The following DST variants were observed in gnomAD, a reference collection of about 807,000 sequenced individuals.
DST encodes the protein bullous pemphigoid antigen.
A neutral mutation model predicts 875.2 loss-of-function variants in DST; 253 were observed. That is an observed-to-expected ratio of 0.29 (90% CI 0.26 to 0.32). DST has a LOEUF of 0.32. Ranked by LOEUF, DST falls within the 10% of genes least tolerant of loss-of-function variation. The probability of loss-of-function intolerance (pLI) is 1.00; values close to 1 mark genes in which losing one functional copy is unlikely to be tolerated. For missense variants in DST, 8,287 were observed against 9,111.6 expected (o/e 0.91, Z 3.68); for synonymous variants, 3,124 against 3,197.1 (o/e 0.98, Z 0.77).
At chr6:56,507,372 C>A (rs61024109) in intron 75 of DST, among the ~76,000 whole-genome samples, 1 of 152,150 alleles carries the variant, frequency 6.6e-6, no homozygotes, top group East Asian at 1.9e-4. Flanking sequence ...AAACCAGGCA[C>A]TGGGGATACA....
At chr6:56,893,562 CTTTTTTTTTTTTT>C (rs1282483681) in intron 3 of DST, among the ~76,000 whole-genome samples, 2 of 35,910 alleles carry the variant, frequency 5.6e-5, no homozygotes, top group Admixed American at 5.4e-4. Flanking sequence ...ACTTTTAGTT[CTTTTTTTTTTTTT>C]TTTTTTTTTT....
intron 38 of DST, 126 bp downstream of exon 38, chr6:56,611,382 A>C: frequency 2.0e-6 from 1 of 503,730 alleles, no homozygotes; most frequent in Non-Finnish European, 3.5e-6. Flanking sequence ...ACATTACTAT[A>C]TTAATTGTGA....
chr6:56,896,838 G>C (rs773095947), intron 3 of DST, among the ~76,000 whole-genome samples: 3 of 152,224 alleles, frequency 2.0e-5, no homozygotes, highest in Middle Eastern at 3.4e-3. Context: ...TGATTTGTTT[G>C]AGTTCATTGT....
intron 4 of DST, among the ~76,000 whole-genome samples, chr6:56,772,159 G>A (rs551312721): frequency 1.3e-5 from 2 of 152,064 alleles, no homozygotes; most frequent in African/African-American, 4.8e-5. Flanking sequence ...TTTAAAATAG[G>A]TATATTTTTA....
At chr6:56,915,942 C>T (rs1473112402) in intron 2 of DST, among the ~76,000 whole-genome samples, 3 of 152,218 alleles carry the variant, frequency 2.0e-5, no homozygotes, top group African/African-American at 7.2e-5. Flanking sequence ...AATCCTAACA[C>T]CTTCTTTGAG....
At chr6:56,551,471 G>A (rs1262461537) in intron 61 of DST, among the ~76,000 whole-genome samples, 1 of 152,172 alleles carries the variant, frequency 6.6e-6, no homozygotes, top group Non-Finnish European at 1.5e-5. Flanking sequence ...CTATACAGAT[G>A]TGACTTCTGT....
Position 56,557,466 on chromosome 6 carries a change from C to T in DST, c.14493G>A (p.Leu4831=). The change falls in exon 59 of 104, where the codon CTG becomes CTA. Residue 4831 remains leucine (L), a synonymous_variant. Transcript: ENST00000680361. ...GGGTTAGATTATTGGAGGATTCTTCCAGTTTTTGTTGTCTATCAATTGTTA... is the reference window on the plus strand; with the variant it reads ...GGGTTAGATTATTGGAGGATTCTTCTAGTTTTTGTTGTCTATCAATTGTTA... The part of the protein sequence containing the change: ...NQLTIDRQQK[L]EESSNNLTQF... 2 of 1,613,562 alleles carry T rather than the reference C, an allele frequency of 1.2e-6. No homozygotes were observed. The highest frequency in any genetic ancestry group is 8.5e-7 in the Non-Finnish European group (1 of 1,179,614).
intron 9 of DST, among the ~76,000 whole-genome samples, chr6:56,680,983 A>C (rs1398360070): frequency 6.6e-6 from 1 of 152,234 alleles, no homozygotes; most frequent in African/African-American, 2.4e-5. Context: ...AATGACAAAG[A>C]GACATAAAGT....
chr6:56,774,224 A>C (rs1215308684), intron 4 of DST, among the ~76,000 whole-genome samples: 2 of 151,978 alleles, frequency 1.3e-5, no homozygotes, highest in Non-Finnish European at 2.9e-5. Context: ...GCTGACATTC[A>C]CATACCTCTT....
rs2096845730 is a variant in DST, at chr6:56,528,775, C to T, written c.17680+66G>A. 2.5e-6 allele frequency: 3 copies of T among 1,196,692 alleles called. No homozygotes were observed. In the South Asian group the frequency reaches 4.3e-5, roughly 17 times the overall value. The allele number at this position is 1,196,692 out of a possible 1,614,324, so 74.1% of individuals were successfully genotyped here. The stretch of plus-strand genomic sequence containing the variant: ...AAAGTGTTTTGGTTTTTTCCCATCC[C>T]TAAAATATTTTGAAAACAATATAAA... On this transcript the variant is annotated intron_variant, in intron 67 of 103. Coordinates refer to ENST00000680361, the MANE Select transcript of DST (RefSeq NM_001374736.1).
At position 56,608,366 on chromosome 6, in the gene DST, G is replaced by C. The variant is rs778946681; in HGVS notation, c.6262C>G (p.Gln2088Glu). Residue 2088 changes from glutamine (Q) to glutamate (E), a missense_variant, in exon 40 of 104, where the codon CAG becomes GAG. Coordinates refer to ENST00000680361, the MANE Select transcript of DST (RefSeq NM_001374736.1). ...AATTCATTTGTAATCAATTCTTGCT[G>C]CAAGGAAGATGATGTGGGAAATATT... ...GEIFPTSSSLQQELITNELAY... is the reference protein window; with the variant it reads ...GEIFPTSSSLEQELITNELAY... 15 of 1,612,586 alleles carry C rather than the reference G, an allele frequency of 9.3e-6. No individual in the cohort carries two copies. Among genetic ancestry groups the C allele is most frequent in the Admixed American group, 8.3e-5 (5 of 59,948 alleles).
chr6:56,632,623 G>C (rs899605617), intron 28 of DST, among the ~76,000 whole-genome samples: 2 of 152,176 alleles, frequency 1.3e-5, no homozygotes, highest in Non-Finnish European at 2.9e-5. Context: ...AGAATTCGTT[G>C]TTTGTCCAAC....
At chr6:56,925,965 T>A (rs1269755078) in intron 2 of DST, among the ~76,000 whole-genome samples, 1 of 152,178 alleles carries the variant, frequency 6.6e-6, no homozygotes, top group East Asian at 1.9e-4. Flanking sequence ...ATTTTAGACT[T>A]TCATAGTCTT....
chr6:56,677,343 G>T (rs549018960), intron 9 of DST, among the ~76,000 whole-genome samples: 1 of 151,522 alleles, frequency 6.6e-6, no homozygotes, highest in Non-Finnish European at 1.5e-5. Context: ...TCTGAGATGG[G>T]GTCTCACTCT....
chr6:56,897,384 T>G (rs150718765), intron 3 of DST, among the ~76,000 whole-genome samples: 1 of 151,610 alleles, frequency 6.6e-6, no homozygotes, highest in Non-Finnish European at 1.5e-5. Context: ...AAGGCTGGAG[T>G]GCAATGGCAC....
intron 4 of DST, among the ~76,000 whole-genome samples, chr6:56,766,934 T>C (rs904502177): frequency 6.6e-6 from 1 of 152,108 alleles, no homozygotes; most frequent in African/African-American, 2.4e-5. Context: ...GAGTCAGTGC[T>C]TTTTTTCTGT....
chr6:56,815,680 A>G (rs2099765669), intron 4 of DST, among the ~76,000 whole-genome samples: 1 of 152,190 alleles, frequency 6.6e-6, no homozygotes, highest in African/African-American at 2.4e-5. Context: ...TTCAGAGGAC[A>G]CCAGGAGTGC....
At chr6:56,951,032 C>G (rs897410106) in intron 2 of DST, among the ~76,000 whole-genome samples, 1 of 152,160 alleles carries the variant, frequency 6.6e-6, no homozygotes, top group Non-Finnish European at 1.5e-5. Context: ...CCAAAGCAAA[C>G]TGAGTCCTGG....
chr6:56,602,620 CACAT>C (rs1195162942), intron 43 of DST, among the ~76,000 whole-genome samples: 4 of 151,666 alleles, frequency 2.6e-5, no homozygotes, highest in Non-Finnish European at 5.9e-5. Flanking sequence ...ATGTGACTAA[CACAT>C]AAATAAATAT....
Sources: gnomAD v4.1 joint callset for allele counts (sites outside exome capture counted in the v4.1 genomes callset) on GRCh38, gnomAD v4.1.1 for gene constraint, MANE v1.5 for transcripts, NCBI Gene and HGNC (gene_info 2026-07-23, HGNC 2026-07-21) for gene names.